Variants in DEPDC1B observed in about 807,000 individuals in gnomAD.
The protein encoded by DEPDC1B is DEP domain containing 1B.
Under a neutral mutation model 66.5 loss-of-function variants are expected in DEPDC1B, and 51 were observed. The observed-to-expected ratio is 0.77, with a 90% CI of 0.61 to 0.97. The LOEUF (loss-of-function observed/expected upper bound fraction) is 0.97. DEPDC1B is among the 50% of genes least tolerant of loss of function. DEPDC1B has a pLI of 0.00. For synonymous variants in DEPDC1B, 226 were observed against 223.6 expected, an observed-to-expected ratio of 1.01 and a Z score of -0.10; for missense variants, 552 against 637.1, an observed-to-expected ratio of 0.87 and a Z score of 1.44.
intron 2 of DEPDC1B, among the ~76,000 whole-genome samples, chr5:60,678,860 C>T (rs1022142961): frequency 1.4e-4 from 21 of 152,208 alleles, no homozygotes; most frequent in African/African-American, 4.8e-4. Flanking sequence ...CTCATCCTCT[C>T]ATCCAATGTC....
chr5:60,629,266 T>C (rs1752871034), intron 7 of DEPDC1B, among the ~76,000 whole-genome samples: 1 of 152,242 alleles, frequency 6.6e-6, no homozygotes, highest in African/African-American at 2.4e-5. Context: ...GTAGGTTGAT[T>C]CCACATCTTG....
intron 2 of DEPDC1B, among the ~76,000 whole-genome samples, chr5:60,667,256 T>G (rs771412321): frequency 6.6e-6 from 1 of 152,008 alleles, no homozygotes; most frequent in African/African-American, 2.4e-5. Flanking sequence ...TACATTAAAA[T>G]TAAGAACTTT....
At chr5:60,624,113 A>G (rs746931423) in intron 7 of DEPDC1B, among the ~76,000 whole-genome samples, 4 of 152,160 alleles carry the variant, frequency 2.6e-5, no homozygotes, top group African/African-American at 9.7e-5. Context: ...CATTAAGAAA[A>G]ATGTTATCCA....
At chr5:60,685,285 C>T (rs916481791) in intron 2 of DEPDC1B, among the ~76,000 whole-genome samples, 16 of 151,948 alleles carry the variant, frequency 1.1e-4, no homozygotes, top group African/African-American at 2.4e-4. Flanking sequence ...CATGTCTAAA[C>T]GGATTTCATC....
chr5:60,613,788 T>TTGTGTGTGTGTGTGTGTG (rs36109910), intron 7 of DEPDC1B, among the ~76,000 whole-genome samples: 3 of 103,318 alleles, frequency 2.9e-5, no homozygotes, highest in African/African-American at 1.3e-4. Flanking sequence ...ACATATGTAT[T>TTGTGTGTGTGTGTGTGTG]TGTGTGTGTG....
chr5:60,605,836 C>G lies in DEPDC1B; in HGVS notation c.919G>C (p.Val307Leu). Reference protein sequence around the residue: ...SVLGLLQKEKVAVEAFQICCL... With the variant: ...SVLGLLQKEKLAVEAFQICCL... Reference sequence around the variant, plus strand: ...CAAATCTGAAATGCTTCAACTGCCACTTTCTCCTTCTGTAACAAACCTGAT... The same window carrying G: ...CAAATCTGAAATGCTTCAACTGCCAGTTTCTCCTTCTGTAACAAACCTGAT... The change falls in exon 8 of 11, where the codon GTG (valine) becomes CTG (leucine). Residue 307 changes from valine (V) to leucine (L), a missense_variant. By Grantham distance (32) the Val-to-Leu change is conservative. Transcript: ENST00000265036. The G allele has an allele frequency of 2.5e-6, 4 of 1,610,740 alleles. No homozygotes were observed. The highest frequency in any genetic ancestry group is 2.5e-6 in the Non-Finnish European group (3 of 1,178,790).
chr5:60,619,037 C>A (rs1752637515), intron 7 of DEPDC1B, among the ~76,000 whole-genome samples: 2 of 152,150 alleles, frequency 1.3e-5, no homozygotes, highest in South Asian at 4.1e-4. Context: ...AAGACAAAAA[C>A]CACATGATTA....
intron 2 of DEPDC1B, among the ~76,000 whole-genome samples, chr5:60,680,219 T>C (rs111369878): frequency 0.012 from 1,887 of 152,330 alleles, 16 homozygotes; most frequent in Non-Finnish European, 0.02. Context: ...AATCTAAAAT[T>C]GTTTTCACCA....
intron 3 of DEPDC1B, among the ~76,000 whole-genome samples, chr5:60,646,919 TC>T (rs1180862609): frequency 6.6e-6 from 1 of 152,122 alleles, no homozygotes; most frequent in African/African-American, 2.4e-5. Flanking sequence ...TGTCATTGTC[TC>T]CCATCATCCC....
intron 2 of DEPDC1B, among the ~76,000 whole-genome samples, chr5:60,679,797 C>T (rs1446396795): frequency 6.6e-6 from 1 of 152,204 alleles, no homozygotes; most frequent in African/African-American, 2.4e-5. Context: ...ACACTTTTCT[C>T]ATTAAATAAT....
At chr5:60,684,125 C>A (rs989937804) in intron 2 of DEPDC1B, among the ~76,000 whole-genome samples, 7 of 152,036 alleles carry the variant, frequency 4.6e-5, no homozygotes, top group South Asian at 2.1e-4. Context: ...GGAAAGACAT[C>A]CCATGCACAT....
chr5:60,668,320 G>A (rs180932806), intron 2 of DEPDC1B, among the ~76,000 whole-genome samples: 5 of 143,946 alleles, frequency 3.5e-5, no homozygotes, highest in East Asian at 2.0e-4. Context: ...TGTCACCCAG[G>A]CTAGAGTGCA....
Position 60,634,232 on chromosome 5 carries a change from G to A in DEPDC1B, c.898+4518C>T, listed in dbSNP as rs374849178. On this transcript the variant is annotated intron_variant, in intron 7 of 10. Coordinates refer to ENST00000265036, the MANE Select transcript of DEPDC1B (RefSeq NM_018369.3). ...GCACTGGCATGCATGGTCTGAATGA[G>A]GAAGCCAAAGAACCCACTGTCTTAT... is the stretch of plus-strand genomic sequence containing the variant. 1.5e-4 allele frequency among the ~76,000 whole-genome samples: 23 copies of A among 152,278 alleles called. No individual in the cohort carries two copies. The East Asian group carries it at 3.5e-3, about 23-fold the overall frequency.
At chr5:60,623,583 T>C (rs1752753376) in intron 7 of DEPDC1B, among the ~76,000 whole-genome samples, 1 of 152,170 alleles carries the variant, frequency 6.6e-6, no homozygotes, top group South Asian at 2.1e-4. Flanking sequence ...CCAAGCTAAA[T>C]AATCCATGTA....
intron 8 of DEPDC1B, among the ~76,000 whole-genome samples, chr5:60,603,846 T>TATATATATATATATATATATATAC (rs1491589366): frequency 7.4e-6 from 1 of 134,324 alleles, no homozygotes; most frequent in African/African-American, 2.6e-5. Context: ...TATATATATA[T>TATATATATATATATATATATATAC]ACACACACAT....
intron 7 of DEPDC1B, among the ~76,000 whole-genome samples, chr5:60,616,591 A>G (rs531820705): frequency 1.3e-5 from 2 of 152,358 alleles, no homozygotes; most frequent in East Asian, 3.9e-4. Flanking sequence ...TACAGAAAAA[A>G]GAATAAAAAG....
intron 2 of DEPDC1B, among the ~76,000 whole-genome samples, chr5:60,668,109 TTTTA>T (rs1282776332): frequency 1.1e-5 from 1 of 92,976 alleles, no homozygotes; most frequent in African/African-American, 5.5e-5. Flanking sequence ...AAAATGGATA[TTTTA>T]TATATATATA....
rs1753512409 is a variant in DEPDC1B, at chr5:60,653,766, TGA to T, written c.315-6235_315-6234del. The stretch of plus-strand genomic sequence containing the variant: ...TTATATTTAAGTCTTTAATCCATCT[TGA>T]GTTGATTTTTGCATAAGGTGAGAGA... On this transcript the variant is annotated intron_variant, in intron 2 of 10. Coordinates refer to ENST00000265036, the MANE Select transcript of DEPDC1B (RefSeq NM_018369.3). Among the ~76,000 whole-genome samples the T allele has an allele frequency of 1.5e-5, 2 of 131,830 alleles. 1 individual carries two copies. The highest frequency in any genetic ancestry group is 6.0e-4 in the South Asian group (2 of 3,352). The allele number at this position is 131,830 out of a possible 152,430, so 86.5% of individuals were successfully genotyped here. A position where few individuals can be genotyped will look rare whatever the true frequency, so the allele number is the denominator to read the frequency against.
intron 3 of DEPDC1B, 152 bp downstream of exon 3, chr5:60,647,246 G>T (rs945478009): frequency 3.5e-6 from 3 of 869,496 alleles, no homozygotes; most frequent in Middle Eastern, 3.4e-4. Context: ...TTCTTTCCTT[G>T]TTACTGGTCT....
Sources: gnomAD v4.1 joint callset for allele counts (sites outside exome capture counted in the v4.1 genomes callset) on GRCh38, gnomAD v4.1.1 for gene constraint, MANE v1.5 for transcripts, NCBI Gene and HGNC (gene_info 2026-07-23, HGNC 2026-07-21) for gene names.